CYP26B1: variants seen among roughly 807,000 people sequenced by gnomAD.
CYP26B1 encodes the protein cytochrome P450 family 26 subfamily B member 1.
In CYP26B1, 8 loss-of-function variants were observed where a neutral mutation model predicts 39.1. That is an observed-to-expected ratio of 0.20 (90% CI 0.12 to 0.37). The LOEUF (loss-of-function observed/expected upper bound fraction) is 0.37, where lower values mean the gene tolerates loss of function less well. CYP26B1 is among the 10% of genes least tolerant of loss of function. The pLI is 1.00. For synonymous variants in CYP26B1, 321 were observed against 314.3 expected, an observed-to-expected ratio of 1.02 and a Z score of -0.23; for missense variants, 615 against 707.0, an observed-to-expected ratio of 0.87 and a Z score of 1.48.
chr2:72,137,938 T>G (rs1374449119), intron 2 of CYP26B1, among the ~76,000 whole-genome samples: 1 of 152,194 alleles, frequency 6.6e-6, no homozygotes, highest in Non-Finnish European at 1.5e-5. Context: ...GGCCGGCGTC[T>G]GACTTGCTGA....
rs1292907109 is a variant in CYP26B1, at chr2:72,147,187, C to T, written c.204+444G>A. 6.6e-6 allele frequency among the ~76,000 whole-genome samples: 1 copy of T among 152,182 alleles called. No homozygotes were observed. The highest frequency in any genetic ancestry group is 1.5e-5 in the Non-Finnish European group (1 of 68,030). On this transcript the variant is annotated intron_variant, in intron 1 of 5. Transcript: ENST00000001146. The surrounding 1 kb of genome is among the most constrained non-coding windows in gnomAD (Gnocchi z 6.1). ...TTCAAGCTGCCACCAGCCCCCTCCT[C>T]TCCCGACTCAATTTTCGGCTCCCAG...
At position 72,132,129 on chromosome 2, in the gene CYP26B1, T is replaced by TCGCCCTCCCCGTTCCGG; in HGVS notation, c.*81_*97dup. On this transcript the variant is annotated 3_prime_UTR_variant, in exon 6 of 6. Coordinates refer to ENST00000001146, the MANE Select transcript of CYP26B1 (RefSeq NM_019885.4). The stretch of plus-strand genomic sequence containing the variant: ...AAGGGAGGGCAAGTATGGGGGCCAC[T>TCGCCCTCCCCGTTCCGG]CGCCCTCCCCGTTCCGGCCCCCTCC... 7.2e-7 allele frequency: 1 copy of TCGCCCTCCCCGTTCCGG among 1,393,222 alleles called. No homozygotes were observed. The highest frequency in any genetic ancestry group is 9.9e-7 in the Non-Finnish European group (1 of 1,015,084). The allele number at this position is 1,393,222 out of a possible 1,614,324, so 86.3% of individuals were successfully genotyped here.
chr2:72,147,855 T>C lies in CYP26B1; in HGVS notation c.-21A>G, dbSNP rs1342273237. 6.0e-6 allele frequency: 9 copies of C among 1,506,104 alleles called. No homozygotes were observed. The highest frequency in any genetic ancestry group is 2.0e-5 in the Admixed American group (1 of 49,040). 93.3% of individuals were successfully genotyped at this position (1,506,104 alleles called of 1,614,324 possible). On this transcript the variant is annotated 5_prime_UTR_variant, in exon 1 of 6. Coordinates refer to ENST00000001146, the MANE Select transcript of CYP26B1 (RefSeq NM_019885.4). This position sits in a 1 kb window ranked among gnomAD's most constrained non-coding sequence, Gnocchi z 6.1. ...AGCATGTTGGCGGCCGCTCGGGGGATTGGCTGTGCCGGCCGCGGCGGGGGA... is the reference window on the plus strand; with the variant it reads ...AGCATGTTGGCGGCCGCTCGGGGGACTGGCTGTGCCGGCCGCGGCGGGGGA...
chr2:72,143,798 G>A (rs984710522), intron 2 of CYP26B1, among the ~76,000 whole-genome samples, 191 bp downstream of exon 2: 1 of 152,344 alleles, frequency 6.6e-6, no homozygotes, highest in South Asian at 2.1e-4. Flanking sequence ...AGCAAGAAAA[G>A]GGACCAAGAG....
chr2:72,135,388 A>C lies in CYP26B1; in HGVS notation c.461T>G (p.Leu154Arg), dbSNP rs1676739038. 6.2e-7 allele frequency: 1 copy of C among 1,613,174 alleles called. No homozygotes were observed. Among genetic ancestry groups the C allele is most frequent in the East Asian group, 2.2e-5 (1 of 44,882 alleles). Residue 154 changes from leucine to arginine, a missense_variant, in exon 3 of 6, where the codon CTG becomes CGG. Transcript: ENST00000001146. ...VFSKIFSHEA[L>R]ESYLPKIQLV... The stretch of plus-strand genomic sequence containing the variant: ...CTGGATCTTGGGCAGGTAACTCTCC[A>C]GGGCCTCGTGGCTGAAGATCTTGGA...
rs546114627 is a variant in CYP26B1, at chr2:72,146,164, G to C, written c.204+1467C>G. On this transcript the variant is annotated intron_variant, in intron 1 of 5. Coordinates refer to ENST00000001146, the MANE Select transcript of CYP26B1 (RefSeq NM_019885.4). ...GGAGAAAAGGTCATGGGGACCTGAG[G>C]GGGGGCAGAGAGGTCAGGAAACGAA... 2.8e-3 allele frequency among the ~76,000 whole-genome samples: 425 copies of C among 152,294 alleles called. 4 individuals are homozygous for C. The highest frequency in any genetic ancestry group is 9.5e-3 in the African/African-American group (394 of 41,566).
In CYP26B1 at chr2:72,130,606, A is replaced by G. The variant is rs1462135526; in HGVS notation, c.*1621T>C. 1 of 152,112 alleles carries G rather than the reference A, an allele frequency of 6.6e-6. No homozygotes were observed. The highest frequency in any genetic ancestry group is 1.5e-5 in the Non-Finnish European group (1 of 68,034). The allele number at this position is 152,112 out of a possible 1,614,324, so 9.4% of individuals were successfully genotyped here. On this transcript the variant is annotated 3_prime_UTR_variant, in exon 6 of 6. Transcript: ENST00000001146. Reference sequence around the variant, plus strand: ...TTCGATTTTCTTGTAAAGGGGATTCATTGCTTTTACAACATCAAAAACCAA... The same window carrying G: ...TTCGATTTTCTTGTAAAGGGGATTCGTTGCTTTTACAACATCAAAAACCAA...
Position 72,132,248 on chromosome 2 carries a change from G to A in CYP26B1, c.1518C>T (p.Ala506=). ...TGGGTTAGACTGTGGCGCTCAGCAT[G>A]GCCTCCGTCTCCGGCAGGATCTCGT... ...NQNEILPETE[A]MLSATV The change falls in exon 6 of 6, where the codon GCC becomes GCT. Residue 506 remains alanine (A), a synonymous_variant. Transcript: ENST00000001146. The A allele has an allele frequency of 1.2e-6, 2 of 1,603,526 alleles. No homozygotes were observed. The highest frequency in any genetic ancestry group is 2.2e-5 in the South Asian group (2 of 88,980).
At position 72,130,342 on chromosome 2, in the gene CYP26B1, T is replaced by A. The variant is rs1303086523; in HGVS notation, c.*1885A>T. ...TAGGGATGAGCAATTTTGCCAATAA[T>A]GTCTATTCCACACTGTTTTTTAGTA... is the stretch of plus-strand genomic sequence containing the variant. On this transcript the variant is annotated 3_prime_UTR_variant, in exon 6 of 6. Transcript: ENST00000001146. 1 of 152,208 alleles carries A rather than the reference T, an allele frequency of 6.6e-6. No homozygotes were observed. Among genetic ancestry groups the A allele is most frequent in the Non-Finnish European group, 1.5e-5 (1 of 68,052 alleles). The allele number at this position is 152,208 out of a possible 1,614,324, so 9.4% of individuals were successfully genotyped here.
In CYP26B1 at chr2:72,130,638, CAG is replaced by C. The variant is rs1182078928; in HGVS notation, c.*1587_*1588del. 2 of 152,144 alleles carry C rather than the reference CAG, an allele frequency of 1.3e-5. No individual in the cohort carries two copies. Among genetic ancestry groups the C allele is most frequent in the African/African-American group, 2.4e-5 (1 of 41,418 alleles). 9.4% of individuals were successfully genotyped at this position (152,144 alleles called of 1,614,324 possible). On this transcript the variant is annotated 3_prime_UTR_variant, in exon 6 of 6. Transcript: ENST00000001146. ...TTACAACATCAAAAACCAATAAACA[CAG>C]AAAGCAAGGAAAAATCTAGAGACTC...
intron 1 of CYP26B1, among the ~76,000 whole-genome samples, chr2:72,145,601 T>A (rs1352998407): frequency 6.6e-6 from 1 of 152,218 alleles, no homozygotes; most frequent in African/African-American, 2.4e-5. Context: ...TCTCCCTCGC[T>A]CCGTCTCACT....
rs1676557894 is a variant in CYP26B1, at chr2:72,131,075, T to TC, written c.*1151dup. 6.6e-6 allele frequency: 1 copy of TC among 152,522 alleles called. No homozygotes were observed. The highest frequency in any genetic ancestry group is 1.5e-5 in the Non-Finnish European group (1 of 68,050). 9.4% of individuals were successfully genotyped at this position (152,522 alleles called of 1,614,324 possible). A position where few individuals can be genotyped will look rare whatever the true frequency, so the allele number is the denominator to read the frequency against. The stretch of plus-strand genomic sequence containing the variant: ...TCCCCGTCAGAAGAACCCGTATCCT[T>TC]CCCCATACTCACGCCTGGAGTCAGG... On this transcript the variant is annotated 3_prime_UTR_variant, in exon 6 of 6. Transcript: ENST00000001146.
At chr2:72,145,386 G>C (rs1458172702) in intron 1 of CYP26B1, among the ~76,000 whole-genome samples, 1 of 152,216 alleles carries the variant, frequency 6.6e-6, no homozygotes, top group African/African-American at 2.4e-5. Context: ...GACGGGGAAC[G>C]AGCTGGGAGC....
intron 1 of CYP26B1, among the ~76,000 whole-genome samples, chr2:72,145,479 G>T (rs72846408): frequency 7.2e-5 from 11 of 152,166 alleles, no homozygotes; most frequent in Non-Finnish European, 1.3e-4. Context: ...TCCCCCTGCC[G>T]TGCAGCCCTT....
intron 2 of CYP26B1, among the ~76,000 whole-genome samples, chr2:72,142,699 G>T (rs183968126): frequency 3.3e-5 from 5 of 152,238 alleles, no homozygotes; most frequent in African/African-American, 1.2e-4. Context: ...TTGAAAAGCC[G>T]AGGCTTCATT....
At chr2:72,133,997 C>T (rs938903018) in intron 4 of CYP26B1, among the ~76,000 whole-genome samples, 1 of 152,214 alleles carries the variant, frequency 6.6e-6, no homozygotes, top group Non-Finnish European at 1.5e-5. Context: ...GGACTCTGGG[C>T]CCAGAGAGGG....
chr2:72,144,646 C>T (rs1239954980), intron 1 of CYP26B1: 2 of 251,970 alleles, frequency 7.9e-6, no homozygotes, highest in East Asian at 1.8e-4. Flanking sequence ...TTATTTATAG[C>T]GGTAAGCGGT....
At position 72,147,748 on chromosome 2, in the gene CYP26B1, C is replaced by G. The variant is rs1242956945; in HGVS notation, c.87G>C (p.Ser29=). 1.9e-6 allele frequency: 3 copies of G among 1,589,534 alleles called. No individual in the cohort carries two copies. Among genetic ancestry groups the G allele is most frequent in the Non-Finnish European group, 2.6e-6 (3 of 1,169,088 alleles). Residue 29 remains serine (S), a synonymous_variant, in exon 1 of 6, where the codon TCG becomes TCC. Coordinates refer to ENST00000001146, the MANE Select transcript of CYP26B1 (RefSeq NM_019885.4). This position sits in a 1 kb window ranked among gnomAD's most constrained non-coding sequence, Gnocchi z 6.1. ...CCCAGCGCAGCTGCCACAGCTGCTGCGACACGGCCAGCAGCAGCGTCACGG... is the reference window on the plus strand; with the variant it reads ...CCCAGCGCAGCTGCCACAGCTGCTGGGACACGGCCAGCAGCAGCGTCACGG... ...LVSVTLLLAV[S]QQLWQLRWAA... is the part of the protein sequence containing the mutation.
Position 72,135,430 on chromosome 2 carries a change from G to A in CYP26B1, c.430-11C>T. 6.2e-7 allele frequency: 1 copy of A among 1,607,258 alleles called. No individual in the cohort carries two copies. Among genetic ancestry groups the A allele is most frequent in the Non-Finnish European group, 8.5e-7 (1 of 1,180,000 alleles). On this transcript the variant is annotated splice_polypyrimidine_tract_variant and intron_variant, in intron 2 of 5. Coordinates refer to ENST00000001146, the MANE Select transcript of CYP26B1 (RefSeq NM_019885.4). The stretch of plus-strand genomic sequence containing the variant: ...GATCTTGGAGAAGACCTGGAAGGCA[G>A]AGAGGCAAGTGGGTGAGCCGATTGG...
Sources: allele counts gnomAD v4.1 joint callset (sites outside exome capture counted in the v4.1 genomes callset), GRCh38; gene constraint gnomAD v4.1.1; non-coding constraint Gnocchi (gnomAD v3.1); transcripts MANE v1.5; gene names NCBI Gene and HGNC (gene_info 2026-07-23, HGNC 2026-07-21).